Variants in RIMS1 observed in about 807,000 individuals in gnomAD.
The protein encoded by RIMS1 is regulating synaptic membrane exocytosis 1, also known as regulating synaptic membrane exocytosis protein 1.
In RIMS1, 83 loss-of-function variants were observed where a neutral mutation model predicts 214.1. The ratio of observed to expected loss-of-function variants is 0.39; its 90% CI spans 0.32 to 0.47. RIMS1 has a LOEUF of 0.47. Among genes scored for constraint, RIMS1 ranks in the 20% least tolerant of loss-of-function variants. The pLI is 0.99. For synonymous variants in RIMS1, 793 were observed against 786.8 expected (o/e 1.01, Z -0.13); for missense variants, 2,050 against 2,161.8 (o/e 0.95, Z 1.03).
At chr6:72,132,884 T>C (rs975931582) in intron 4 of RIMS1, among the ~76,000 whole-genome samples, 1 of 152,246 alleles carries the variant, frequency 6.6e-6, no homozygotes, top group African/African-American at 2.4e-5. Flanking sequence ...ATTTTTGGAC[T>C]AATATTTATT....
intron 28 of RIMS1, among the ~76,000 whole-genome samples, chr6:72,330,259 T>A (rs1309072578): frequency 6.6e-6 from 1 of 151,788 alleles, no homozygotes; most frequent in African/African-American, 2.4e-5. Context: ...TAGCGACTGA[T>A]AAAAGACAGT....
intron 2 of RIMS1, among the ~76,000 whole-genome samples, chr6:72,093,366 G>T (rs919638222): frequency 6.6e-6 from 1 of 151,602 alleles, no homozygotes; most frequent in African/African-American, 2.4e-5. Flanking sequence ...GTTTATCATT[G>T]TCATGTGCAA....
intron 29 of RIMS1, among the ~76,000 whole-genome samples, chr6:72,350,181 T>A (rs2097397952): frequency 6.6e-6 from 1 of 152,128 alleles, no homozygotes; most frequent in Admixed American, 6.6e-5. Flanking sequence ...AAATCTAATT[T>A]TTGTACACAG....
intron 6 of RIMS1, among the ~76,000 whole-genome samples, chr6:72,196,165 C>A (rs768292661): frequency 2.0e-5 from 3 of 152,058 alleles, no homozygotes; most frequent in African/African-American, 7.2e-5. Context: ...ATTTTGTGTT[C>A]TTCTCATAGT....
In RIMS1 at chr6:72,182,826, C is replaced by A. The variant is rs757445328; in HGVS notation, c.1355C>A (p.Pro452His). 2 of 1,550,952 alleles carry A rather than the reference C, an allele frequency of 1.3e-6. No individual in the cohort carries two copies. The highest frequency in any genetic ancestry group is 1.7e-6 in the Non-Finnish European group (2 of 1,150,504). Residue 452 changes from proline to histidine, a missense_variant, in exon 6 of 34, where the codon CCC (proline) becomes CAC (histidine). Physicochemically the swap from Pro to His is moderately conservative, Grantham distance 77. Coordinates refer to ENST00000521978, the MANE Select transcript of RIMS1 (RefSeq NM_014989.7). ...KQLTNHSPPA[P>H]RHGPVPAEAP... is the part of the protein sequence containing the mutation. ...CTAACGAACCACAGCCCGCCGGCGC[C>A]CAGACATGGGCCGGTTCCCGCAGAA...
intron 2 of RIMS1, among the ~76,000 whole-genome samples, chr6:72,031,679 C>T (rs542540383): frequency 6.6e-6 from 1 of 152,214 alleles, no homozygotes; most frequent in African/African-American, 2.4e-5. Context: ...TAATGCCAGG[C>T]AGAGGTAAAA....
rs565951940 is a variant in RIMS1, at chr6:72,195,362, G to A, written c.1678+12213G>A. Among the ~76,000 whole-genome samples the A allele has an allele frequency of 3.9e-5, 6 of 152,282 alleles. No individual in the cohort carries two copies. In the South Asian group the frequency reaches 1.2e-3, roughly 32 times the overall value. On this transcript the variant is annotated intron_variant, in intron 6 of 33. Transcript: ENST00000521978. Reference sequence around the variant, plus strand: ...GTTGGTTTATAGCTGTTACTGCTAGGCAGTGTTTAGCAGTCTTTTGAGGAG... The same window carrying A: ...GTTGGTTTATAGCTGTTACTGCTAGACAGTGTTTAGCAGTCTTTTGAGGAG...
At chr6:72,243,523 G>A (rs1171671425) in intron 10 of RIMS1, among the ~76,000 whole-genome samples, 1 of 151,688 alleles carries the variant, frequency 6.6e-6, no homozygotes, top group Non-Finnish European at 1.5e-5. Flanking sequence ...CATGACATAT[G>A]TTCTAGTGCT....
intron 6 of RIMS1, among the ~76,000 whole-genome samples, chr6:72,225,770 T>C (rs1413939242): frequency 7.2e-5 from 11 of 152,212 alleles, no homozygotes; most frequent in Admixed American, 7.2e-4. Context: ...TATTTCCTTC[T>C]GCTGTACAGC....
intron 16 of RIMS1, among the ~76,000 whole-genome samples, chr6:72,255,765 C>T (rs143699166): frequency 5.9e-5 from 9 of 152,154 alleles, no homozygotes; most frequent in East Asian, 5.8e-4. Context: ...CAGCCGGGCA[C>T]GGTGGCTCAC....
At chr6:72,109,324 A>C (rs1360806411) in intron 4 of RIMS1, among the ~76,000 whole-genome samples, 1 of 151,158 alleles carries the variant, frequency 6.6e-6, no homozygotes, top group Non-Finnish European at 1.5e-5. Context: ...CCAACGGTGT[A>C]AAAGTGTTCC....
chr6:72,065,323 C>T (rs1829016380), intron 2 of RIMS1, among the ~76,000 whole-genome samples: 1 of 152,144 alleles, frequency 6.6e-6, no homozygotes, highest in Non-Finnish European at 1.5e-5. Context: ...GTAGTTGAAT[C>T]ACAACATCCC....
intron 2 of RIMS1, among the ~76,000 whole-genome samples, chr6:72,002,595 G>A (rs1805661037): frequency 6.6e-6 from 1 of 152,154 alleles, no homozygotes; most frequent in African/African-American, 2.4e-5. Flanking sequence ...CTGAGGAGGT[G>A]GCAGTGACAA....
chr6:72,285,463 C>A (rs1380761491), intron 24 of RIMS1, among the ~76,000 whole-genome samples: 1 of 152,112 alleles, frequency 6.6e-6, no homozygotes, highest in Non-Finnish European at 1.5e-5. Flanking sequence ...GAGTTGAGAT[C>A]TGAAAAATGA....
chr6:71,935,855 G>A (rs549460370), intron 1 of RIMS1, among the ~76,000 whole-genome samples: 4 of 152,156 alleles, frequency 2.6e-5, no homozygotes, highest in African/African-American at 4.8e-5. Flanking sequence ...TATGGACATA[G>A]AAATTTTCCT....
chr6:72,395,288 A>G (rs2098760373), intron 31 of RIMS1, among the ~76,000 whole-genome samples: 2 of 152,088 alleles, frequency 1.3e-5, no homozygotes, highest in African/African-American at 4.8e-5. Context: ...AGAGATTGAA[A>G]GAGCACACTG....
At chr6:72,224,964 A>G (rs922822360) in intron 6 of RIMS1, among the ~76,000 whole-genome samples, 1 of 152,236 alleles carries the variant, frequency 6.6e-6, no homozygotes, top group African/African-American at 2.4e-5. Context: ...ATGCGAAGGC[A>G]TAAAATAAAA....
At chr6:72,180,209 A>T (rs1331586356) in intron 5 of RIMS1, among the ~76,000 whole-genome samples, 1 of 152,214 alleles carries the variant, frequency 6.6e-6, no homozygotes, top group Non-Finnish European at 1.5e-5. Flanking sequence ...ATCATGTTTC[A>T]CTTATAAACC....
At chr6:71,895,189 C>T (rs568741612) in intron 1 of RIMS1, among the ~76,000 whole-genome samples, 1 of 152,264 alleles carries the variant, frequency 6.6e-6, no homozygotes, top group South Asian at 2.1e-4. Flanking sequence ...GACTTTACAT[C>T]GTCCATTTGA....
Sources: allele counts gnomAD v4.1 joint callset (sites outside exome capture counted in the v4.1 genomes callset), GRCh38; gene constraint gnomAD v4.1.1; transcripts MANE v1.5; gene names NCBI Gene and HGNC (gene_info 2026-07-23, HGNC 2026-07-21).